FLT1: variants seen among roughly 807,000 people sequenced by gnomAD.
FLT1 encodes the protein fms related receptor tyrosine kinase 1.
FLT1 carries 49 observed loss-of-function variants against 156.3 expected under a neutral mutation model. The observed-to-expected ratio is 0.31, with a 90% CI of 0.25 to 0.40. FLT1 has a LOEUF of 0.40. FLT1 is among the 10% of genes least tolerant of loss of function. The pLI, the probability that FLT1 is intolerant of heterozygous loss-of-function variation, is 1.00. For synonymous variants in FLT1, 594 were observed against 583.8 expected (o/e 1.02, Z -0.25); for missense variants, 1,322 against 1,637.2 (o/e 0.81, Z 3.32).
chr13:28,355,962 G>C (rs1217758448), intron 15 of FLT1, among the ~76,000 whole-genome samples: 1 of 152,172 alleles, frequency 6.6e-6, no homozygotes, highest in East Asian at 1.9e-4. Context: ...CAAGACTTTG[G>C]GGAGACCTAC....
intron 16 of FLT1, 55 bp downstream of exon 16, chr13:28,345,390 C>G (rs759404588): frequency 9.3e-7 from 1 of 1,072,590 alleles, no homozygotes; most frequent in Middle Eastern, 2.4e-4. Context: ...GACATCAGAT[C>G]GGGCTTTTTA....
intron 17 of FLT1, among the ~76,000 whole-genome samples, chr13:28,334,787 G>A (rs1252693902): frequency 6.6e-6 from 1 of 152,108 alleles, no homozygotes; most frequent in Non-Finnish European, 1.5e-5. Context: ...AACTAAGCAA[G>A]GTTCCTTTCA....
chr13:28,441,206 A>G (rs1305674187), intron 3 of FLT1, among the ~76,000 whole-genome samples: 1 of 152,214 alleles, frequency 6.6e-6, no homozygotes, highest in Admixed American at 6.5e-5. Flanking sequence ...AAGTGAGCAC[A>G]AACACAACTT....
chr13:28,385,946 A>G (rs1874334683), intron 13 of FLT1: 10 of 1,040,560 alleles, frequency 9.6e-6, no homozygotes, highest in Non-Finnish European at 1.2e-5. Context: ...AAAGCTTCCA[A>G]GGTAAAAAAT....
At chr13:28,381,096 T>C (rs1429338223) in intron 14 of FLT1, among the ~76,000 whole-genome samples, 1 of 152,224 alleles carries the variant, frequency 6.6e-6, no homozygotes, top group African/African-American at 2.4e-5. Context: ...AGTCTCATAA[T>C]GGTTCTAAGC....
chr13:28,374,757 C>A (rs1370357753), intron 14 of FLT1, among the ~76,000 whole-genome samples: 3 of 150,258 alleles, frequency 2.0e-5, no homozygotes, highest in Admixed American at 2.0e-4. Flanking sequence ...TTGTGATCCG[C>A]CCACCTCGGC....
At chr13:28,459,555 A>G (rs1879449853) in intron 3 of FLT1, among the ~76,000 whole-genome samples, 2 of 152,376 alleles carry the variant, frequency 1.3e-5, no homozygotes, top group East Asian at 3.9e-4. Context: ...ATTTAAAACC[A>G]GAGAAGACTC....
At chr13:28,321,266 C>G (rs1429275252) in intron 23 of FLT1, among the ~76,000 whole-genome samples, 197 bp downstream of exon 23, 1 of 152,200 alleles carries the variant, frequency 6.6e-6, no homozygotes, top group Non-Finnish European at 1.5e-5. Context: ...TAGGGAAGAG[C>G]AGAAGCAGGA....
chr13:28,325,207 G>A (rs1016127056), intron 20 of FLT1, among the ~76,000 whole-genome samples: 2 of 152,160 alleles, frequency 1.3e-5, no homozygotes, highest in Non-Finnish European at 2.9e-5. Flanking sequence ...GTTCCATCCT[G>A]CCCAGGTCCC....
intron 1 of FLT1, among the ~76,000 whole-genome samples, chr13:28,490,030 G>A (rs1593853247): frequency 1.3e-5 from 2 of 152,320 alleles, no homozygotes; most frequent in East Asian, 1.9e-4. Context: ...TCCGTCTGGG[G>A]AAGAGGAAAT....
intron 3 of FLT1, among the ~76,000 whole-genome samples, chr13:28,461,561 C>T (rs1879579733): frequency 6.6e-6 from 1 of 152,166 alleles, no homozygotes; most frequent in Non-Finnish European, 1.5e-5. Flanking sequence ...ATTGAATCCT[C>T]CTCAGAATCG....
intron 14 of FLT1, among the ~76,000 whole-genome samples, chr13:28,370,802 G>A (rs1198865629): frequency 6.6e-6 from 1 of 152,202 alleles, no homozygotes; most frequent in African/African-American, 2.4e-5. Context: ...CTTGTGCTAT[G>A]TTCAGATTGG....
intron 14 of FLT1, among the ~76,000 whole-genome samples, chr13:28,365,476 C>T (rs1175509546): frequency 1.3e-5 from 2 of 152,070 alleles, no homozygotes; most frequent in Non-Finnish European, 2.9e-5. Context: ...CTCAGCCTCC[C>T]TAGTAGCTGG....
intron 22 of FLT1, 28 bp from the exon 23 acceptor site, chr13:28,321,613 G>C (rs752865154): frequency 1.9e-4 from 310 of 1,612,682 alleles, no homozygotes; most frequent in Non-Finnish European, 2.5e-4. Context: ...CATAATCAAT[G>C]CATTTCCTTA....
chr13:28,415,974 G>C (rs1876623336), intron 10 of FLT1, among the ~76,000 whole-genome samples: 1 of 152,212 alleles, frequency 6.6e-6, no homozygotes, highest in Non-Finnish European at 1.5e-5. Flanking sequence ...TGCCACTTCA[G>C]AGGGAAGTGG....
chr13:28,415,863 T>A (rs1013296909), intron 10 of FLT1, among the ~76,000 whole-genome samples: 1 of 152,234 alleles, frequency 6.6e-6, no homozygotes, highest in Non-Finnish European at 1.5e-5. Flanking sequence ...TTCTTTGGAA[T>A]AAACAGTCAG....
At chr13:28,334,213 T>G in intron 17 of FLT1, 84 bp from the exon 18 acceptor site, 1 of 887,400 alleles carries the variant, frequency 1.1e-6, no homozygotes. Flanking sequence ...TGCCTTTTCC[T>G]ATGTGTGCAT....
At chr13:28,442,114 G>A (rs1878363146) in intron 3 of FLT1, among the ~76,000 whole-genome samples, 1 of 152,094 alleles carries the variant, frequency 6.6e-6, no homozygotes, top group South Asian at 2.1e-4. Flanking sequence ...ATAGACACAA[G>A]GGTTTCTTAT....
chr13:28,470,549 C>G (rs1430308882), intron 1 of FLT1, among the ~76,000 whole-genome samples: 1 of 152,216 alleles, frequency 6.6e-6, no homozygotes, highest in African/African-American at 2.4e-5. Flanking sequence ...TGACATCCCA[C>G]TGCCTACATC....
Sources: allele counts gnomAD v4.1 joint callset (sites outside exome capture counted in the v4.1 genomes callset), GRCh38; gene constraint gnomAD v4.1.1; transcripts MANE v1.5; gene names NCBI Gene and HGNC (gene_info 2026-07-23, HGNC 2026-07-21).